IPO8: variants seen among roughly 807,000 people sequenced by gnomAD.
The protein encoded by IPO8 is importin-8.
IPO8 carries 65 observed loss-of-function variants against 141.2 expected under a neutral mutation model. The ratio of observed to expected loss-of-function variants is 0.46; its 90% CI spans 0.38 to 0.57. The LOEUF (loss-of-function observed/expected upper bound fraction) is 0.57, where lower values mean the gene tolerates loss of function less well. IPO8 is among the 20% of genes least tolerant of loss of function. IPO8 has a pLI of 0.00. For synonymous variants in IPO8, 411 were observed against 420.3 expected (o/e 0.98, Z 0.27); for missense variants, 980 against 1,246.8 (o/e 0.79, Z 3.22).
At chr12:30,644,420 T>C (rs1222685629) in intron 20 of IPO8, among the ~76,000 whole-genome samples, 2 of 119,716 alleles carry the variant, frequency 1.7e-5, no homozygotes, top group Non-Finnish European at 3.4e-5. Context: ...TTTATGATTT[T>C]TTAGAAAGGT....
At position 30,666,186 on chromosome 12, in the gene IPO8, T is replaced by A; in HGVS notation, c.1210A>T (p.Lys404Ter). 1 of 1,573,070 alleles carries A rather than the reference T, an allele frequency of 6.4e-7. No homozygotes were observed. Among genetic ancestry groups the A allele is most frequent in the Non-Finnish European group, 8.6e-7 (1 of 1,162,708 alleles). The change falls in exon 11 of 25, where the codon AAA (lysine) becomes TAA (stop). Residue 404 changes from lysine (K) to a stop codon, truncating the protein, a stop_gained. Coordinates refer to ENST00000256079, the MANE Select transcript of IPO8 (RefSeq NM_006390.4). LOFTEE classifies it high-confidence loss of function. ...AQTLLYTAAK[K>*]RKEVLPKMMA... ...GAAAAATGAAATACCTCTTTTCTTT[T>A]CTTTGCAGCAGTATATAAGAGAGTC...
chr12:30,631,652 A>G, intron 24 of IPO8: 1 of 328,396 alleles, frequency 3.0e-6, no homozygotes, highest in Non-Finnish European at 5.6e-6. Context: ...TGCCTCCAAC[A>G]TAGGATAAGA....
At chr12:30,663,423 T>A in intron 14 of IPO8, 66 bp downstream of exon 14, 1 of 1,394,784 alleles carries the variant, frequency 7.2e-7, no homozygotes, top group Non-Finnish European at 9.8e-7. Flanking sequence ...TGGAGATGCA[T>A]CTTCATTAGG....
intron 1 of IPO8, among the ~76,000 whole-genome samples, chr12:30,692,077 T>C (rs1393821197): frequency 1.3e-5 from 2 of 152,220 alleles, no homozygotes; most frequent in African/African-American, 4.8e-5. Flanking sequence ...CTTCTACATA[T>C]GTATTATAAC....
chr12:30,637,133 T>C lies in IPO8; in HGVS notation c.2544A>G (p.Gln848=), dbSNP rs767179345. ...IIGLSILLEL[Q]NRPPAVDAVV... ...CAGCATCTACTGCAGGAGGTCGATT[T>C]TGCAATTCCAAAAGGATACTCAGTC... The change falls in exon 22 of 25, where the codon CAA becomes CAG. Residue 848 remains glutamine (Q), a synonymous_variant. Transcript: ENST00000256079. 4 of 1,613,956 alleles carry C rather than the reference T, an allele frequency of 2.5e-6. No homozygotes were observed. Among genetic ancestry groups the C allele is most frequent in the Non-Finnish European group, 2.5e-6 (3 of 1,179,964 alleles).
chr12:30,649,398 T>C (rs1222735302), intron 19 of IPO8, among the ~76,000 whole-genome samples, 166 bp from the exon 20 acceptor site: 2 of 152,178 alleles, frequency 1.3e-5, no homozygotes, highest in African/African-American at 4.8e-5. Flanking sequence ...ATAAATTCCA[T>C]CCATCATCTC....
intron 20 of IPO8, among the ~76,000 whole-genome samples, chr12:30,645,261 T>C (rs764226166): frequency 1.4e-4 from 21 of 151,454 alleles, no homozygotes; most frequent in Non-Finnish European, 2.2e-4. Flanking sequence ...TAATACCAGC[T>C]ACTTGGGAGG....
At chr12:30,657,659 T>C (rs1182413243) in intron 16 of IPO8, among the ~76,000 whole-genome samples, 2 of 152,200 alleles carry the variant, frequency 1.3e-5, no homozygotes, top group African/African-American at 4.8e-5. Context: ...ACAGTTAAAT[T>C]ATATCCACTA....
chr12:30,662,939 C>T (rs2052909290), intron 14 of IPO8, among the ~76,000 whole-genome samples: 4 of 152,194 alleles, frequency 2.6e-5, no homozygotes, highest in Admixed American at 6.5e-5. Flanking sequence ...AATCCTCCCA[C>T]TGAAACATTG....
chr12:30,643,932 G>C (rs1460349214), intron 20 of IPO8, among the ~76,000 whole-genome samples: 1 of 152,164 alleles, frequency 6.6e-6, no homozygotes, highest in Non-Finnish European at 1.5e-5. Context: ...CCAAAATCCA[G>C]TCAACAGAAC....
At chr12:30,693,945 G>A (rs529346811) in intron 1 of IPO8, among the ~76,000 whole-genome samples, 3 of 151,948 alleles carry the variant, frequency 2.0e-5, no homozygotes, top group Non-Finnish European at 4.4e-5. Flanking sequence ...AATAGGATTG[G>A]GTCTTAAATG....
rs768408850 is a variant in IPO8, at chr12:30,684,300, C to T, written c.323+1G>A. ...AATCACAAATATATAGCACCACATA[C>T]CTCACTAAATCTGGAGACCGAATTA... On this transcript the variant is annotated splice_donor_variant, in intron 3 of 24. Transcript: ENST00000256079. LOFTEE classifies it high-confidence loss of function. 2 of 1,613,566 alleles carry T rather than the reference C, an allele frequency of 1.2e-6. No homozygotes were observed. Among genetic ancestry groups the T allele is most frequent in the Non-Finnish European group, 1.7e-6 (2 of 1,179,602 alleles).
At chr12:30,663,191 A>T (rs1398713507) in intron 14 of IPO8, among the ~76,000 whole-genome samples, 1 of 152,146 alleles carries the variant, frequency 6.6e-6, no homozygotes, top group Non-Finnish European at 1.5e-5. Context: ...CAGATCACAC[A>T]CCTTGCCCAG....
intron 10 of IPO8, among the ~76,000 whole-genome samples, chr12:30,668,018 C>A (rs2052991602): frequency 6.6e-6 from 1 of 150,830 alleles, no homozygotes. Context: ...GTGGCCCCAA[C>A]TACTTGGAGG....
At chr12:30,651,543 A>G (rs2052726201) in intron 19 of IPO8, among the ~76,000 whole-genome samples, 1 of 152,020 alleles carries the variant, frequency 6.6e-6, no homozygotes, top group Non-Finnish European at 1.5e-5. Flanking sequence ...TTTATGCAAT[A>G]TAGTTTCAGT....
intron 20 of IPO8, among the ~76,000 whole-genome samples, chr12:30,641,493 C>CTTTTTTTTTTTTTTTTTT: frequency 7.4e-6 from 1 of 135,050 alleles, no homozygotes; most frequent in Non-Finnish European, 1.6e-5. Flanking sequence ...TAAGCTATTT[C>CTTTTTTTTTTTTTTTTTT]TTTTTTTTTT....
At chr12:30,667,474 A>T (rs1470802942) in intron 10 of IPO8, among the ~76,000 whole-genome samples, 1 of 152,242 alleles carries the variant, frequency 6.6e-6, no homozygotes, top group Non-Finnish European at 1.5e-5. Context: ...AAACTAAAAC[A>T]TTATTATTAA....
chr12:30,690,637 TA>T, intron 1 of IPO8, 60 bp from the exon 2 acceptor site: 9 of 860,372 alleles, frequency 1.0e-5, no homozygotes, highest in Non-Finnish European at 1.7e-5. Context: ...GCTTATAAGT[TA>T]GCACCGGTTA....
rs2053326572 is a variant in IPO8 at position 30,695,203 on chromosome 12, T to C, written c.84+361A>G. The C allele has an allele frequency of 2.5e-6, 1 of 405,300 alleles. No homozygotes were observed. The highest frequency in any genetic ancestry group is 2.1e-5 in the South Asian group (1 of 47,414). The allele number at this position is 405,300 out of a possible 1,614,324, so 25.1% of individuals were successfully genotyped here. On this transcript the variant is annotated intron_variant, in intron 1 of 24. Transcript: ENST00000256079. The surrounding 1 kb of genome is among the most constrained non-coding windows in gnomAD (Gnocchi z 4.2). ...ACTCAGATTTGAACTGTAAGTAAAA[T>C]TCCCACCTGCTCCCCAAGTCCGCGC...
Sources: allele counts gnomAD v4.1 joint callset (sites outside exome capture counted in the v4.1 genomes callset), GRCh38; gene constraint gnomAD v4.1.1; non-coding constraint Gnocchi (gnomAD v3.1); transcripts MANE v1.5; gene names NCBI Gene and HGNC (gene_info 2026-07-23, HGNC 2026-07-21).